Variants in SPIDR observed in about 807,000 individuals in gnomAD.
SPIDR encodes DNA repair-scaffolding protein.
SPIDR carries 93 observed loss-of-function variants against 104.6 expected under a neutral mutation model. The ratio of observed to expected loss-of-function variants is 0.89; its 90% CI spans 0.75 to 1.06. SPIDR has a LOEUF of 1.06. SPIDR is among the 50% of genes least tolerant of loss of function. The pLI, the probability that SPIDR is intolerant of heterozygous loss-of-function variation, is 0.00. For synonymous variants in SPIDR, 431 were observed against 416.9 expected, an observed-to-expected ratio of 1.03 and a Z score of -0.41; for missense variants, 1,154 against 1,111.2, an observed-to-expected ratio of 1.04 and a Z score of -0.55.
chr8:47,588,420 G>A (rs997956423), intron 8 of SPIDR, among the ~76,000 whole-genome samples: 1 of 150,314 alleles, frequency 6.7e-6, no homozygotes, highest in Non-Finnish European at 1.5e-5. Context: ...CCTAATTTTT[G>A]TGTGTGTTGG....
At chr8:47,582,298 T>G (rs1454457429) in intron 8 of SPIDR, among the ~76,000 whole-genome samples, 1 of 152,076 alleles carries the variant, frequency 6.6e-6, no homozygotes, top group Admixed American at 6.5e-5. Flanking sequence ...TATCTACATA[T>G]TCAGTGTAAA....
Position 47,719,264 on chromosome 8 carries a change from T to C in SPIDR, c.2341+5623T>C, listed in dbSNP as rs184825530. ...TGGTTCATGCCTGTAATCCCAGCAC[T>C]TGGGGAGGCCGAGGCAGGCGGATCA... On this transcript the variant is annotated intron_variant, in intron 16 of 19. Coordinates refer to ENST00000297423, the MANE Select transcript of SPIDR (RefSeq NM_001080394.4). 1.3e-4 allele frequency among the ~76,000 whole-genome samples: 20 copies of C among 152,170 alleles called. No homozygotes were observed. In the East Asian group the frequency reaches 3.1e-3, roughly 24 times the overall value.
chr8:47,295,622 T>C (rs1225999614), intron 5 of SPIDR, among the ~76,000 whole-genome samples: 1 of 152,206 alleles, frequency 6.6e-6, no homozygotes, highest in Non-Finnish European at 1.5e-5. Flanking sequence ...ATGTTGCAAA[T>C]GATAGAATTT....
At chr8:47,593,051 T>G (rs2061239882) in intron 8 of SPIDR, among the ~76,000 whole-genome samples, 1 of 152,004 alleles carries the variant, frequency 6.6e-6, no homozygotes, top group African/African-American at 2.4e-5. Context: ...CACGCCCAGC[T>G]AATTATGTAT....
At chr8:47,542,124 TAAGG>T (rs909866303) in intron 8 of SPIDR, among the ~76,000 whole-genome samples, 5 of 151,880 alleles carry the variant, frequency 3.3e-5, no homozygotes, top group African/African-American at 1.2e-4. Flanking sequence ...CAAAGTTAAT[TAAGG>T]AAGAAGATTT....
At chr8:47,580,751 G>A (rs1031939187) in intron 8 of SPIDR, among the ~76,000 whole-genome samples, 1 of 152,102 alleles carries the variant, frequency 6.6e-6, no homozygotes, top group African/African-American at 2.4e-5. Context: ...TGTTTCAAAT[G>A]TACTCTCCTG....
intron 8 of SPIDR, among the ~76,000 whole-genome samples, chr8:47,526,150 G>T (rs900575161): frequency 1.3e-5 from 2 of 152,200 alleles, no homozygotes; most frequent in African/African-American, 4.8e-5. Flanking sequence ...GCTGTTCCCA[G>T]GCTCAGCTTC....
intron 5 of SPIDR, among the ~76,000 whole-genome samples, chr8:47,374,039 A>T (rs1442577981): frequency 1.3e-5 from 2 of 152,186 alleles, no homozygotes; most frequent in African/African-American, 4.8e-5. Context: ...TGTTTTATTC[A>T]TTCTAGGTGT....
rs2068851697 is a variant in SPIDR at position 47,438,864 on chromosome 8, G to A, written c.878-1459G>A. The stretch of plus-strand genomic sequence containing the variant: ...GGATGAAAAATTTGGGGTTGAATGG[G>A]AAATGAATGAAAAAAAAGTGAGAGG... On this transcript the variant is annotated intron_variant, in intron 7 of 19. Coordinates refer to ENST00000297423, the MANE Select transcript of SPIDR (RefSeq NM_001080394.4). Among the ~76,000 whole-genome samples, 4 of 151,888 alleles carry A rather than the reference G, an allele frequency of 2.6e-5. No individual in the cohort carries two copies. The South Asian group carries it at 8.3e-4, about 32-fold the overall frequency.
intron 5 of SPIDR, among the ~76,000 whole-genome samples, chr8:47,330,465 A>C (rs527615809): frequency 6.6e-6 from 1 of 152,328 alleles, no homozygotes; most frequent in South Asian, 2.1e-4. Context: ...CCATTATGTC[A>C]TACAGAGCAG....
chr8:47,385,119 A>C (rs1390862123), intron 5 of SPIDR, among the ~76,000 whole-genome samples: 2 of 152,194 alleles, frequency 1.3e-5, no homozygotes, highest in Non-Finnish European at 2.9e-5. Context: ...TTCAATTAGA[A>C]CAGTAGTTAA....
chr8:47,679,160 G>T (rs1026641506), intron 11 of SPIDR, among the ~76,000 whole-genome samples: 2 of 152,206 alleles, frequency 1.3e-5, no homozygotes, highest in Admixed American at 1.3e-4. Flanking sequence ...CTGTGCCTAG[G>T]GCTGTGTGGG....
intron 5 of SPIDR, among the ~76,000 whole-genome samples, chr8:47,335,929 T>C (rs2049637710): frequency 6.6e-6 from 1 of 152,214 alleles, no homozygotes; most frequent in Non-Finnish European, 1.5e-5. Context: ...TGCTTTTTTT[T>C]TTTTAATTCT....
intron 10 of SPIDR, among the ~76,000 whole-genome samples, chr8:47,600,421 C>G (rs1226144484): frequency 6.6e-6 from 1 of 152,128 alleles, no homozygotes; most frequent in Non-Finnish European, 1.5e-5. Flanking sequence ...AAACAGGATA[C>G]CTATACTCCG....
chr8:47,409,495 T>C (rs1279068744), intron 7 of SPIDR, among the ~76,000 whole-genome samples: 1 of 152,218 alleles, frequency 6.6e-6, no homozygotes, highest in Non-Finnish European at 1.5e-5. Context: ...GGCCCAGTCA[T>C]GTATTCCAAA....
At chr8:47,656,307 T>G (rs2072798892) in intron 10 of SPIDR, among the ~76,000 whole-genome samples, 1 of 152,090 alleles carries the variant, frequency 6.6e-6, no homozygotes, top group African/African-American at 2.4e-5. Context: ...TAAAGAACAC[T>G]TACTACTCAA....
chr8:47,285,800 G>T (rs1391310725), intron 3 of SPIDR, among the ~76,000 whole-genome samples: 3 of 152,178 alleles, frequency 2.0e-5, no homozygotes, highest in African/African-American at 7.2e-5. Context: ...AGGTACAGAA[G>T]GTTAGGACTT....
intron 5 of SPIDR, among the ~76,000 whole-genome samples, chr8:47,342,384 T>C (rs1286594081): frequency 7.3e-6 from 1 of 137,722 alleles, no homozygotes; most frequent in African/African-American, 2.8e-5. Context: ...TCACCCAGGC[T>C]GGAGTGCAGT....
intron 5 of SPIDR, among the ~76,000 whole-genome samples, chr8:47,393,872 C>G (rs2060930318): frequency 6.6e-6 from 1 of 150,376 alleles, no homozygotes; most frequent in African/African-American, 2.5e-5. Context: ...GTCCTTCCGT[C>G]CTTTGTCCTT....
Sources: gnomAD v4.1 joint callset for allele counts (sites outside exome capture counted in the v4.1 genomes callset) on GRCh38, gnomAD v4.1.1 for gene constraint, MANE v1.5 for transcripts, NCBI Gene and HGNC (gene_info 2026-07-23, HGNC 2026-07-21) for gene names.